Variants in PDS5B observed in about 807,000 individuals in gnomAD.
PDS5B encodes PDS5 cohesin associated factor B.
Under a neutral mutation model 184.1 loss-of-function variants are expected in PDS5B, and 51 were observed. That is an observed-to-expected ratio of 0.28 (90% confidence interval 0.22 to 0.35). The LOEUF (loss-of-function observed/expected upper bound fraction) is 0.35. Among genes scored for constraint, PDS5B ranks in the 10% least tolerant of loss-of-function variants. The probability of loss-of-function intolerance (pLI) is 1.00; values close to 1 mark genes in which losing one functional copy is unlikely to be tolerated. For synonymous variants in PDS5B, 566 were observed against 569.2 expected, an observed-to-expected ratio of 0.99 and a Z score of 0.08; for missense variants, 1,180 against 1,723.3, an observed-to-expected ratio of 0.68 and a Z score of 5.58.
chr13:32,620,709 G>T (rs1232123483), intron 1 of PDS5B, among the ~76,000 whole-genome samples: 1 of 151,426 alleles, frequency 6.6e-6, no homozygotes, highest in African/African-American at 2.4e-5. Context: ...ATTGTTTCTA[G>T]CTTTAGAGGA....
At chr13:32,646,361 A>C (rs1365564576) in intron 1 of PDS5B, among the ~76,000 whole-genome samples, 1 of 105,968 alleles carries the variant, frequency 9.4e-6, no homozygotes, top group Admixed American at 1.2e-4. Context: ...TTATTCTCTC[A>C]TGGCTGTGTT....
At chr13:32,609,267 A>G (rs1273888600) in intron 1 of PDS5B, among the ~76,000 whole-genome samples, 1 of 152,226 alleles carries the variant, frequency 6.6e-6, no homozygotes, top group African/African-American at 2.4e-5. Context: ...TTTAATTTAG[A>G]TACTGAAATA....
At chr13:32,730,756 T>C (rs977958306) in intron 19 of PDS5B, among the ~76,000 whole-genome samples, 28 of 152,208 alleles carry the variant, frequency 1.8e-4, no homozygotes, top group Non-Finnish European at 3.2e-4. Context: ...TTGTCTTTTA[T>C]TGGTGTATAG....
At chr13:32,611,955 A>C (rs1432299311) in intron 1 of PDS5B, among the ~76,000 whole-genome samples, 1 of 152,116 alleles carries the variant, frequency 6.6e-6, no homozygotes, top group Non-Finnish European at 1.5e-5. Flanking sequence ...AGTTCTGGCT[A>C]TATGAAACTA....
At chr13:32,729,452 G>T (rs1339284862) in intron 19 of PDS5B, among the ~76,000 whole-genome samples, 1 of 152,108 alleles carries the variant, frequency 6.6e-6, no homozygotes, top group Non-Finnish European at 1.5e-5. Context: ...AATCCTTTGG[G>T]TATATACCTA....
chr13:32,700,894 C>G (rs1160256334), intron 16 of PDS5B: 1 of 155,330 alleles, frequency 6.4e-6, no homozygotes, highest in Non-Finnish European at 1.4e-5. Flanking sequence ...CCCAGATCAA[C>G]TAAATGAGAA....
At chr13:32,676,010 G>A (rs765316583) in intron 9 of PDS5B, 51 bp downstream of exon 9, 6 of 976,606 alleles carry the variant, frequency 6.1e-6, no homozygotes, top group South Asian at 1.4e-5. Flanking sequence ...TCTACTGACC[G>A]TTTTTTTAAG....
At chr13:32,747,061 G>A (rs1953772432) in intron 24 of PDS5B, among the ~76,000 whole-genome samples, 1 of 152,304 alleles carries the variant, frequency 6.6e-6, no homozygotes, top group Non-Finnish European at 1.5e-5. Context: ...AGTGAGTTAA[G>A]TTTTCAGATT....
chr13:32,636,507 A>G (rs975131158), intron 1 of PDS5B, among the ~76,000 whole-genome samples: 3 of 152,230 alleles, frequency 2.0e-5, no homozygotes, highest in South Asian at 2.1e-4. Flanking sequence ...ATGGAAAACC[A>G]TTAGGTTAAG....
intron 19 of PDS5B, among the ~76,000 whole-genome samples, chr13:32,725,108 T>C (rs967520375): frequency 6.6e-6 from 1 of 152,230 alleles, no homozygotes; most frequent in Admixed American, 6.5e-5. Context: ...CTGAATACTT[T>C]TGTAAAAAGC....
At chr13:32,769,584 A>G (rs1422829275) in intron 31 of PDS5B, among the ~76,000 whole-genome samples, 1 of 152,224 alleles carries the variant, frequency 6.6e-6, no homozygotes, top group African/African-American at 2.4e-5. Flanking sequence ...AGTATTTCTA[A>G]TTCAGAAGTG....
At chr13:32,766,949 G>GT in intron 31 of PDS5B, among the ~76,000 whole-genome samples, 1 of 152,054 alleles carries the variant, frequency 6.6e-6, no homozygotes, top group East Asian at 1.9e-4. Flanking sequence ...TTTAAATTTA[G>GT]TTCTAATTTA....
chr13:32,770,359 G>A lies in PDS5B; in HGVS notation c.3863G>A (p.Gly1288Asp). The change falls in exon 32 of 35, where the codon GGT (glycine) becomes GAT (aspartate). Residue 1288 changes from glycine to aspartate, a missense_variant. By Grantham distance (94) the Gly-to-Asp change is moderately conservative. Around this residue, in one of 11 missense-constraint regions of PDS5B, gnomAD observed 465 missense variants for 497.8 expected, o/e 0.93. Transcript: ENST00000315596. ...GAACAGAATAGTCCGCCAAAAAAGG[G>A]TAAAAGAGGCCGACCACCAAAACCT... ...EDEQNSPPKK[G>D]KRGRPPKPLG... 6.2e-7 allele frequency: 1 copy of A among 1,613,204 alleles called. No individual in the cohort carries two copies. Among genetic ancestry groups the A allele is most frequent in the Non-Finnish European group, 8.5e-7 (1 of 1,179,828 alleles).
At chr13:32,603,271 G>A (rs905207174) in intron 1 of PDS5B, among the ~76,000 whole-genome samples, 8 of 152,216 alleles carry the variant, frequency 5.3e-5, no homozygotes, top group East Asian at 1.9e-4. Context: ...TAATTTTTGT[G>A]TAAGGTGTAA....
intron 1 of PDS5B, among the ~76,000 whole-genome samples, chr13:32,623,682 C>G (rs1392041087): frequency 1.3e-5 from 2 of 151,688 alleles, no homozygotes; most frequent in African/African-American, 4.8e-5. Context: ...TCTTTTTGCC[C>G]TATTTTTCCC....
chr13:32,611,920 T>C (rs1003979706), intron 1 of PDS5B, among the ~76,000 whole-genome samples: 8 of 152,132 alleles, frequency 5.3e-5, no homozygotes, highest in Non-Finnish European at 1.0e-4. Context: ...TCCAGCAGAA[T>C]CTTTACTTTT....
chr13:32,713,311 A>G (rs976942017), intron 19 of PDS5B, among the ~76,000 whole-genome samples: 2 of 152,202 alleles, frequency 1.3e-5, no homozygotes, highest in African/African-American at 4.8e-5. Context: ...GCCAGAGAGA[A>G]TTTTTCTTAT....
intron 3 of PDS5B, 153 bp downstream of exon 3, chr13:32,652,160 T>TA: frequency 1.0e-5 from 6 of 591,506 alleles, no homozygotes; most frequent in African/African-American, 7.5e-5. Context: ...TTTTTTTTTT[T>TA]AGAACTTATT....
At chr13:32,754,672 A>C (rs1024122253) in intron 25 of PDS5B, among the ~76,000 whole-genome samples, 14 of 152,106 alleles carry the variant, frequency 9.2e-5, no homozygotes, top group Non-Finnish European at 1.0e-4. Context: ...TTGGCAGATT[A>C]CTTAATCATT....
Sources: allele counts gnomAD v4.1 joint callset (sites outside exome capture counted in the v4.1 genomes callset), GRCh38; gene constraint gnomAD v4.1.1; regional missense constraint gnomAD v4.1.1; transcripts MANE v1.5; gene names NCBI Gene and HGNC (gene_info 2026-07-23, HGNC 2026-07-21).